The following XKR9 variants were observed in gnomAD, a reference collection of about 807,000 sequenced individuals.
The protein encoded by XKR9 is XK-related protein 9.
XKR9 carries 32 observed loss-of-function variants against 32.0 expected under a neutral mutation model. That is an observed-to-expected ratio of 1.00 (90% CI 0.76 to 1.34). The LOEUF (loss-of-function observed/expected upper bound fraction) is 1.34, where lower values mean the gene tolerates loss of function less well. XKR9 is among the 40% of genes most tolerant of loss of function. The pLI, the probability that XKR9 is intolerant of heterozygous loss-of-function variation, is 0.00. For missense variants in XKR9, 546 were observed against 429.7 expected (o/e 1.27, Z -2.39); for synonymous variants, 168 against 143.4 (o/e 1.17, Z -1.22).
At chr8:70,968,053 C>A in the XKR9 span, among the ~76,000 whole-genome samples, 1 of 152,106 alleles carries the variant, frequency 6.6e-6, no homozygotes, top group African/African-American at 2.4e-5. Context: ...TCCATTCTCC[C>A]CATCTCTTTC....
the XKR9 span, among the ~76,000 whole-genome samples, chr8:70,904,613 C>A: frequency 6.6e-6 from 1 of 152,070 alleles, no homozygotes; most frequent in African/African-American, 2.4e-5. Context: ...GCATTTAGTC[C>A]ATTTACATTT....
At chr8:70,887,389 T>A in the XKR9 span, among the ~76,000 whole-genome samples, 1 of 152,174 alleles carries the variant, frequency 6.6e-6, no homozygotes, top group Non-Finnish European at 1.5e-5. Flanking sequence ...TTGCTTAGAA[T>A]TGTCTTGGCT....
chr8:70,922,020 G>C, the XKR9 span, among the ~76,000 whole-genome samples: 1 of 152,140 alleles, frequency 6.6e-6, no homozygotes. Flanking sequence ...GGAAAGGGAA[G>C]GGGGAGAAGA....
At chr8:70,672,662 G>T (rs1371246373) in intron 1 of XKR9, among the ~76,000 whole-genome samples, 1 of 152,088 alleles carries the variant, frequency 6.6e-6, no homozygotes, top group Non-Finnish European at 1.5e-5. Context: ...CATAGCGGTT[G>T]TACTAATTTA....
chr8:70,739,246 GT>G (rs1806921922), downstream of XKR9, among the ~76,000 whole-genome samples: 1 of 152,034 alleles, frequency 6.6e-6, no homozygotes, highest in African/African-American at 2.4e-5. Context: ...CTCTTTTGAT[GT>G]TTGTTGGTTT....
chr8:70,749,499 A>G (rs763049025), intron 2 of XKR9, among the ~76,000 whole-genome samples: 1 of 152,228 alleles, frequency 6.6e-6, no homozygotes, highest in Admixed American at 6.5e-5. Context: ...CTTGTGGTAC[A>G]TTTGGTCCAG....
chr8:70,693,665 C>G (rs941167041), intron 3 of XKR9, among the ~76,000 whole-genome samples: 1 of 152,176 alleles, frequency 6.6e-6, no homozygotes, highest in Non-Finnish European at 1.5e-5. Flanking sequence ...TGCAGGTCAG[C>G]AACTGCTCAG....
the XKR9 span, among the ~76,000 whole-genome samples, chr8:70,922,180 C>T: frequency 6.6e-6 from 1 of 152,228 alleles, no homozygotes; most frequent in African/African-American, 2.4e-5. Flanking sequence ...GCTATGGACT[C>T]AGCACCAGAA....
At chr8:70,804,239 C>T in the XKR9 span, among the ~76,000 whole-genome samples, 18 of 152,258 alleles carry the variant, frequency 1.2e-4, no homozygotes, top group Admixed American at 3.3e-4. Context: ...TGGGGGTAGG[C>T]GGGGTCACCT....
chr8:70,922,904 G>A, the XKR9 span, among the ~76,000 whole-genome samples: 1 of 152,228 alleles, frequency 6.6e-6, no homozygotes, highest in African/African-American at 2.4e-5. Flanking sequence ...TTACAGATGT[G>A]CAGTCAGCTA....
chr8:70,804,090 G>C, the XKR9 span, among the ~76,000 whole-genome samples: 1 of 152,242 alleles, frequency 6.6e-6, no homozygotes, highest in African/African-American at 2.4e-5. Flanking sequence ...CCAGTGGTGA[G>C]TGTGGGTGGG....
the XKR9 span, among the ~76,000 whole-genome samples, chr8:70,997,312 A>C: frequency 1.3e-5 from 2 of 151,978 alleles, no homozygotes; most frequent in African/African-American, 4.8e-5. Flanking sequence ...AAACAAACAA[A>C]AAAAAAACCA....
the XKR9 span, among the ~76,000 whole-genome samples, chr8:70,858,667 C>A: frequency 1.3e-5 from 2 of 151,906 alleles, no homozygotes; most frequent in African/African-American, 2.4e-5. Flanking sequence ...AGACATAGAC[C>A]AATGGAACAG....
the XKR9 span, among the ~76,000 whole-genome samples, chr8:70,818,934 G>T: frequency 1.3e-5 from 2 of 152,178 alleles, no homozygotes; most frequent in East Asian, 3.8e-4. Context: ...TAAAGCTGAT[G>T]AAGAACAGAC....
chr8:71,003,275 T>A, the XKR9 span, among the ~76,000 whole-genome samples: 2 of 151,306 alleles, frequency 1.3e-5, no homozygotes, highest in South Asian at 4.2e-4. Context: ...GGTAGGAAGC[T>A]TCAAAGGCAA....
chr8:70,935,197 AT>A, the XKR9 span, among the ~76,000 whole-genome samples: 1 of 46,230 alleles, frequency 2.2e-5, no homozygotes, highest in Admixed American at 3.5e-4. Context: ...ATATATATAC[AT>A]ATACATATAT....
rs1485607825 is a variant in XKR9 at position 70,733,810 on chromosome 8, G to T, written c.508G>T (p.Val170Phe). 3 of 1,564,720 alleles carry T rather than the reference G, an allele frequency of 1.9e-6. No homozygotes were observed. The highest frequency in any genetic ancestry group is 4.5e-5 in the East Asian group (2 of 44,306). ...ANFSQYAAIM[V>F]SCCAISWSTV... is the part of the protein sequence containing the mutation. ...TTGTTTTGTAGATGCGGCCATCATG[G>T]TCTCTTGCTGTGCTATTTCTTGGTC... Residue 170 changes from valine (V) to phenylalanine (F), a missense_variant, in exon 5 of 5, where the codon GTC (valine) becomes TTC (phenylalanine). Physicochemically the swap from Val to Phe is conservative, Grantham distance 50. Coordinates refer to ENST00000408926, the MANE Select transcript of XKR9 (RefSeq NM_001011720.2).
At chr8:70,961,252 G>A in the XKR9 span, among the ~76,000 whole-genome samples, 1 of 152,108 alleles carries the variant, frequency 6.6e-6, no homozygotes, top group Non-Finnish European at 1.5e-5. Flanking sequence ...CAGAGGTATA[G>A]AGGAAGCCAA....
At chr8:70,755,027 T>C (rs2130192742) in intron 2 of XKR9, among the ~76,000 whole-genome samples, 1 of 152,176 alleles carries the variant, frequency 6.6e-6, no homozygotes, top group Admixed American at 6.5e-5. Flanking sequence ...GACAAAGGGC[T>C]AATATCCAGA....
Sources: allele counts gnomAD v4.1 joint callset (sites outside exome capture counted in the v4.1 genomes callset), GRCh38; gene constraint gnomAD v4.1.1; transcripts MANE v1.5; gene names NCBI Gene and HGNC (gene_info 2026-07-23, HGNC 2026-07-21).